Variants in ZBTB41 observed in about 807,000 individuals in gnomAD.
ZBTB41 encodes zinc finger and BTB domain-containing protein 41.
In ZBTB41, 42 loss-of-function variants were observed where a neutral mutation model predicts 87.6. That is an observed-to-expected ratio of 0.48 (90% CI 0.37 to 0.62). The LOEUF (loss-of-function observed/expected upper bound fraction) is 0.62. ZBTB41 is among the 20% of genes least tolerant of loss of function. The probability of loss-of-function intolerance (pLI) is 0.00; values close to 1 mark genes in which losing one functional copy is unlikely to be tolerated. For synonymous variants in ZBTB41, 364 were observed against 364.0 expected (o/e 1.00, Z 0.00); for missense variants, 799 against 1,078.9 (o/e 0.74, Z 3.63).
chr1:197,185,052 G>T (rs1372347956), intron 5 of ZBTB41, among the ~76,000 whole-genome samples: 1 of 152,140 alleles, frequency 6.6e-6, no homozygotes, highest in African/African-American at 2.4e-5. Flanking sequence ...GACCTCAGGT[G>T]ATCTGCCAGC....
chr1:197,175,728 T>C (rs1307533759), intron 8 of ZBTB41, among the ~76,000 whole-genome samples: 3 of 151,634 alleles, frequency 2.0e-5, no homozygotes, highest in African/African-American at 7.3e-5. Context: ...TTAAAGCATG[T>C]GGCCTCTAGA....
At position 197,200,298 on chromosome 1, in the gene ZBTB41, T is replaced by C; in HGVS notation, c.176A>G (p.Asp59Gly). 1 of 1,614,020 alleles carries C rather than the reference T, an allele frequency of 6.2e-7. No homozygotes were observed. Among genetic ancestry groups the C allele is most frequent in the Non-Finnish European group, 8.5e-7 (1 of 1,179,964 alleles). Residue 59 changes from aspartate (D) to glycine (G), a missense_variant, in exon 2 of 11, where the codon GAT becomes GGT. By Grantham distance (94) the Asp-to-Gly change is moderately conservative (BLOSUM62 -1). Coordinates refer to ENST00000367405, the MANE Select transcript of ZBTB41 (RefSeq NM_194314.3). ...HCYQELPPSP[D>G]QRKLLSSLQY... is the part of the protein sequence containing the mutation. ...CAAAGAACTTAAAAGCTTTCTCTGA[T>C]CTGGAGAGGGAGGAAGTTCCTGGTA...
chr1:197,176,402 T>C (rs1324017175), intron 8 of ZBTB41, among the ~76,000 whole-genome samples, 162 bp downstream of exon 8: 1 of 152,072 alleles, frequency 6.6e-6, no homozygotes, highest in Non-Finnish European at 1.5e-5. Flanking sequence ...ATGTCCCTTT[T>C]GGATGCTTTT....
intron 10 of ZBTB41, among the ~76,000 whole-genome samples, chr1:197,166,363 G>A (rs1420733183): frequency 2.0e-5 from 3 of 151,878 alleles, no homozygotes; most frequent in African/African-American, 2.4e-5. Flanking sequence ...CTAGTAACAG[G>A]AATGACAAAA....
intron 5 of ZBTB41, among the ~76,000 whole-genome samples, chr1:197,187,431 G>A (rs1373298544): frequency 6.6e-6 from 1 of 152,084 alleles, no homozygotes; most frequent in Admixed American, 6.5e-5. Context: ...GCTCCAGTCC[G>A]TTATCTAAAG....
chr1:197,192,062 C>A (rs990115192), intron 2 of ZBTB41, among the ~76,000 whole-genome samples, 163 bp from the exon 3 acceptor site: 1 of 151,930 alleles, frequency 6.6e-6, no homozygotes, highest in African/African-American at 2.4e-5. Flanking sequence ...CTCTGATAAA[C>A]CTAATGACTT....
intron 6 of ZBTB41, 35 bp downstream of exon 6, chr1:197,180,953 C>T (rs1659730805): frequency 1.3e-6 from 2 of 1,571,780 alleles, no homozygotes; most frequent in South Asian, 2.4e-5. Context: ...CATAATAGTA[C>T]TAGGATTTTT....
At chr1:197,191,208 C>T (rs10754217) in intron 3 of ZBTB41, among the ~76,000 whole-genome samples, 66,978 of 151,680 alleles carry the variant, frequency 0.44, 16,478 homozygotes, top group East Asian at 0.82. Flanking sequence ...ACCTGTAATC[C>T]CAGCACTTTG....
intron 8 of ZBTB41, 44 bp from the exon 9 acceptor site, chr1:197,175,159 A>C: frequency 6.2e-5 from 94 of 1,514,544 alleles, no homozygotes; most frequent in Non-Finnish European, 8.0e-5. Context: ...TATACATCTC[A>C]GGTTTTTATC....
intron 9 of ZBTB41, among the ~76,000 whole-genome samples, chr1:197,174,149 A>T (rs6669113): frequency 2.0e-5 from 3 of 151,586 alleles, no homozygotes; most frequent in Non-Finnish European, 4.4e-5. Context: ...TATACCTTGC[A>T]ATTACCACAT....
chr1:197,192,236 CTTAAAA>C (rs1461894748), intron 2 of ZBTB41, among the ~76,000 whole-genome samples: 1 of 151,990 alleles, frequency 6.6e-6, no homozygotes, highest in African/African-American at 2.4e-5. Flanking sequence ...TATTTTTAAA[CTTAAAA>C]TTAACTTTTA....
chr1:197,186,817 T>C (rs1205987635), intron 5 of ZBTB41, among the ~76,000 whole-genome samples: 3 of 151,974 alleles, frequency 2.0e-5, no homozygotes, highest in African/African-American at 4.8e-5. Context: ...TAAGCCAAGA[T>C]TGCGCCATTA....
intron 2 of ZBTB41, among the ~76,000 whole-genome samples, chr1:197,193,725 G>A (rs976578338): frequency 2.0e-5 from 3 of 152,092 alleles, no homozygotes; most frequent in Non-Finnish European, 4.4e-5. Context: ...CTGTGTTCAA[G>A]GAATCAGACC....
intron 8 of ZBTB41, chr1:197,175,921 T>C (rs1189304181): frequency 6.6e-6 from 1 of 151,946 alleles, no homozygotes; most frequent in Non-Finnish European, 1.5e-5. Context: ...AAAATAATAA[T>C]AATAATCACC....
chr1:197,160,583 C>T (rs1357498475), intron 10 of ZBTB41, among the ~76,000 whole-genome samples: 1 of 152,096 alleles, frequency 6.6e-6, no homozygotes, highest in African/African-American at 2.4e-5. Context: ...GCGGAAAGAA[C>T]AAAGAAGCTG....
In ZBTB41 at chr1:197,156,075, T is replaced by C. The variant is rs1659059627; in HGVS notation, c.*3284A>G. On this transcript the variant is annotated 3_prime_UTR_variant, in exon 11 of 11. Coordinates refer to ENST00000367405, the MANE Select transcript of ZBTB41 (RefSeq NM_194314.3). ...TCTAAAAAACATAACATTGTATTAA[T>C]TAAACTAAGGAAAACAGTATTCTCA... 1 of 152,252 alleles carries C rather than the reference T, an allele frequency of 6.6e-6. No individual in the cohort carries two copies. Among genetic ancestry groups the C allele is most frequent in the Admixed American group, 6.6e-5 (1 of 15,236 alleles). 9.4% of individuals were successfully genotyped at this position (152,252 alleles called of 1,614,324 possible). A position where few individuals can be genotyped will look rare whatever the true frequency, so the allele number is the denominator to read the frequency against.
chr1:197,178,304 C>T (rs1205566147), intron 7 of ZBTB41, 113 bp downstream of exon 7: 3 of 619,132 alleles, frequency 4.8e-6, no homozygotes, highest in Non-Finnish European at 7.5e-6. Context: ...CACAACTTTG[C>T]ATATCATAAG....
At chr1:197,191,456 C>CAAAA (rs537220441) in intron 3 of ZBTB41, among the ~76,000 whole-genome samples, 1 of 85,296 alleles carries the variant, frequency 1.2e-5, no homozygotes, top group Admixed American at 1.3e-4. Flanking sequence ...AGCCCTACTT[C>CAAAA]AAAAAAAAAA....
intron 10 of ZBTB41, among the ~76,000 whole-genome samples, chr1:197,166,867 A>AAC (rs1557976285): frequency 3.3e-5 from 5 of 152,030 alleles, no homozygotes; most frequent in African/African-American, 1.2e-4. Flanking sequence ...ACAACAACAA[A>AAC]AAAATTTAAT....
Sources: gnomAD v4.1 joint callset for allele counts (sites outside exome capture counted in the v4.1 genomes callset) on GRCh38, gnomAD v4.1.1 for gene constraint, MANE v1.5 for transcripts, NCBI Gene and HGNC (gene_info 2026-07-23, HGNC 2026-07-21) for gene names.